Variants in MIA2 observed in about 807,000 individuals in gnomAD.
MIA2 encodes melanoma inhibitory activity protein 2.
A neutral mutation model predicts 167.8 loss-of-function variants in MIA2; 127 were observed. That is an observed-to-expected ratio of 0.76 (90% confidence interval 0.66 to 0.88). MIA2 has a LOEUF of 0.88. Ranked by LOEUF, MIA2 falls within the 40% of genes least tolerant of loss-of-function variation. The pLI, the probability that MIA2 is intolerant of heterozygous loss-of-function variation, is 0.00. For missense variants in MIA2, 1,690 were observed against 1,624.7 expected, an observed-to-expected ratio of 1.04 and a Z score of -0.69; for synonymous variants, 552 against 541.9, an observed-to-expected ratio of 1.02 and a Z score of -0.26.
At chr14:39,385,833 A>T (rs1285589736) in intron 23 of MIA2, 3 of 962,092 alleles carry the variant, frequency 3.1e-6, no homozygotes, top group Non-Finnish European at 5.1e-6. Flanking sequence ...AGGAAACAGG[A>T]TGCCCTTGTC....
chr14:39,384,991 C>A (rs1307223327), intron 23 of MIA2, among the ~76,000 whole-genome samples: 1 of 152,076 alleles, frequency 6.6e-6, no homozygotes, highest in Non-Finnish European at 1.5e-5. Context: ...AACTCAAATG[C>A]TAAAAAATTA....
chr14:39,367,555 A>T (rs1316432834), intron 23 of MIA2, among the ~76,000 whole-genome samples: 4 of 152,112 alleles, frequency 2.6e-5, no homozygotes. Flanking sequence ...GAATGTGGAT[A>T]CCTGGGGATC....
chr14:39,285,152 T>C (rs2152782349), intron 9 of MIA2, among the ~76,000 whole-genome samples: 2 of 152,310 alleles, frequency 1.3e-5, no homozygotes, highest in Middle Eastern at 6.8e-3. Flanking sequence ...GTCTACTTCT[T>C]TCTACACATA....
At chr14:39,364,227 G>A (rs563324226) in intron 23 of MIA2, among the ~76,000 whole-genome samples, 11 of 151,956 alleles carry the variant, frequency 7.2e-5, no homozygotes, top group South Asian at 6.2e-4. Context: ...GTGTGGTGGC[G>A]CGCGCCTGTA....
At chr14:39,368,687 T>TG (rs1248528216) in intron 23 of MIA2, among the ~76,000 whole-genome samples, 238 of 146,756 alleles carry the variant, frequency 1.6e-3, no homozygotes, top group Admixed American at 4.3e-3. Flanking sequence ...TTTCTTTTTT[T>TG]TGTTTTTTTT....
intron 23 of MIA2, among the ~76,000 whole-genome samples, chr14:39,371,538 ACCT>A (rs544325802): frequency 9.7e-4 from 148 of 152,250 alleles, no homozygotes; most frequent in Non-Finnish European, 1.6e-3. Context: ...GACAAACTAA[ACCT>A]CCTGCTTTTT....
chr14:39,359,476 A>C (rs1473887948), intron 23 of MIA2, among the ~76,000 whole-genome samples: 3 of 152,080 alleles, frequency 2.0e-5, no homozygotes, highest in Admixed American at 2.0e-4. Context: ...TAGGAAAGGG[A>C]GTTCCCTGAC....
intron 25 of MIA2, among the ~76,000 whole-genome samples, chr14:39,344,897 C>A (rs2072881133): frequency 6.6e-6 from 1 of 152,042 alleles, no homozygotes; most frequent in South Asian, 2.1e-4. Flanking sequence ...TACTTTTGCA[C>A]CAACCTAATA....
intron 7 of MIA2, among the ~76,000 whole-genome samples, 171 bp from the exon 8 acceptor site, chr14:39,279,166 A>AG (rs962164761): frequency 6.6e-6 from 1 of 151,888 alleles, no homozygotes; most frequent in Non-Finnish European, 1.5e-5. Context: ...GTCTCAAAAA[A>AG]AAAAAAAAAA....
chr14:39,293,520 T>C (rs2061006595), intron 11 of MIA2, 139 bp downstream of exon 11: 1 of 574,730 alleles, frequency 1.7e-6, no homozygotes, highest in Non-Finnish European at 3.0e-6. Flanking sequence ...CAAAATTTTC[T>C]AGATCCATTC....
chr14:39,246,214 A>G (rs2054300536), intron 3 of MIA2, among the ~76,000 whole-genome samples: 1 of 151,900 alleles, frequency 6.6e-6, no homozygotes, highest in Non-Finnish European at 1.5e-5. Context: ...CTCCTGCCTC[A>G]GCCTCCTGAG....
rs1294263904 is a variant in MIA2 at position 39,368,470 on chromosome 14, G to A, written c.2249-18415G>A. 3.3e-5 allele frequency among the ~76,000 whole-genome samples: 5 copies of A among 152,136 alleles called. No homozygotes were observed. In the East Asian group the frequency reaches 9.6e-4, roughly 29 times the overall value. ...CAGGAGGAACCTGGTTTTTGTGTGC[G>A]TGCTGAAGGCTAAAGAGCTGTACTC... On this transcript the variant is annotated intron_variant, in intron 23 of 23. Transcript: ENST00000341502.
intron 3 of MIA2, among the ~76,000 whole-genome samples, chr14:39,241,756 G>T (rs186693701): frequency 1.9e-3 from 293 of 152,284 alleles, no homozygotes; most frequent in African/African-American, 6.4e-3. Flanking sequence ...TTTGGTTAAA[G>T]CCCTTTAGTG....
intron 6 of MIA2, chr14:39,265,646 T>G: frequency 2.5e-6 from 1 of 401,476 alleles, no homozygotes; most frequent in Non-Finnish European, 4.4e-6. Context: ...TTTTTTTTTG[T>G]TTTTGTTTTT....
chr14:39,243,295 C>T (rs756871374), intron 3 of MIA2, among the ~76,000 whole-genome samples: 7 of 152,086 alleles, frequency 4.6e-5, no homozygotes, highest in Non-Finnish European at 8.8e-5. Flanking sequence ...CGATTTGGGC[C>T]TTTTATCCCC....
In MIA2 at chr14:39,344,442, C is replaced by T. The variant is rs142544828; in HGVS notation, c.3656-1462C>T. On this transcript the variant is annotated intron_variant, in intron 25 of 28. Transcript: ENST00000640607. Reference sequence around the variant, plus strand: ...ACTCAAACCCTTTGAAACAGCTCCTCCCTAGGATTTTGAAAGGGAGTGTAA... The same window carrying T: ...ACTCAAACCCTTTGAAACAGCTCCTTCCTAGGATTTTGAAAGGGAGTGTAA... 8.3e-3 allele frequency among the ~76,000 whole-genome samples: 1,270 copies of T among 152,274 alleles called. 17 individuals carry two copies. The highest frequency in any genetic ancestry group is 0.029 in the African/African-American group (1,212 of 41,556).
intron 25 of MIA2, among the ~76,000 whole-genome samples, chr14:39,330,641 C>T (rs1368997552): frequency 6.6e-6 from 1 of 151,754 alleles, no homozygotes; most frequent in Non-Finnish European, 1.5e-5. Context: ...TTAGCTGTGT[C>T]CCAGAGATTC....
rs1230618296 is a variant in MIA2, at chr14:39,279,553, AAAT to A, written c.2130+21_2130+23del. ...TCAAAAAGAGGTAAGATATTTTTGA[AAAT>A]AATATTCATGTTAGAGTCAGAGAAC... On this transcript the variant is annotated intron_variant, in intron 9 of 28. Coordinates refer to ENST00000640607, the MANE Select transcript of MIA2 (RefSeq NM_001329214.4). 1.3e-6 allele frequency: 2 copies of A among 1,516,080 alleles called. No individual in the cohort carries two copies. Among genetic ancestry groups the A allele is most frequent in the Non-Finnish European group, 1.8e-6 (2 of 1,104,834 alleles). The allele number at this position is 1,516,080 out of a possible 1,614,324, so 93.9% of individuals were successfully genotyped here.
chr14:39,369,001 C>G (rs1422193412), intron 23 of MIA2, among the ~76,000 whole-genome samples: 2 of 152,202 alleles, frequency 1.3e-5, no homozygotes, highest in African/African-American at 4.8e-5. Context: ...CTTGGGTCTT[C>G]TGTCCTCACC....
Sources: gnomAD v4.1 joint callset for allele counts (sites outside exome capture counted in the v4.1 genomes callset) on GRCh38, gnomAD v4.1.1 for gene constraint, MANE v1.5 for transcripts, NCBI Gene and HGNC (gene_info 2026-07-23, HGNC 2026-07-21) for gene names.